GLI3: variants seen among roughly 807,000 people sequenced by gnomAD.
GLI3 encodes transcription activator GLI3.
Under a neutral mutation model 100.8 loss-of-function variants are expected in GLI3, and 20 were observed. That is an observed-to-expected ratio of 0.20 (90% CI 0.14 to 0.29). The LOEUF (loss-of-function observed/expected upper bound fraction) is 0.29, where lower values mean the gene tolerates loss of function less well. GLI3 is among the 10% of genes least tolerant of loss of function. The pLI is 1.00. For synonymous variants in GLI3, 938 were observed against 860.5 expected (o/e 1.09, Z -1.58); for missense variants, 2,040 against 2,128.5 (o/e 0.96, Z 0.82).
chr7:42,059,985 A>G (rs937599350), intron 4 of GLI3, among the ~76,000 whole-genome samples: 2 of 152,200 alleles, frequency 1.3e-5, no homozygotes, highest in Non-Finnish European at 2.9e-5. Flanking sequence ...AAGCTGTTCT[A>G]TACACCAGTT....
chr7:42,179,693 G>A (rs1787552320), intron 2 of GLI3, among the ~76,000 whole-genome samples: 1 of 152,072 alleles, frequency 6.6e-6, no homozygotes, highest in Non-Finnish European at 1.5e-5. Context: ...TGTGTGTGTG[G>A]CAAGGGGGTA....
At chr7:41,975,281 T>C (rs1787480398) in intron 12 of GLI3, among the ~76,000 whole-genome samples, 1 of 152,208 alleles carries the variant, frequency 6.6e-6, no homozygotes, top group Admixed American at 6.5e-5. Flanking sequence ...GCTTGGCACA[T>C]AAATAGCTTT....
At chr7:42,132,400 G>A (rs902173239) in intron 3 of GLI3, among the ~76,000 whole-genome samples, 4 of 151,972 alleles carry the variant, frequency 2.6e-5, no homozygotes, top group South Asian at 2.1e-4. Flanking sequence ...GCGCCCGGCC[G>A]GCTTCATGAT....
intron 4 of GLI3, among the ~76,000 whole-genome samples, chr7:42,050,304 C>G (rs1261539710): frequency 6.6e-6 from 1 of 152,160 alleles, no homozygotes; most frequent in Non-Finnish European, 1.5e-5. Context: ...ATAGCTATTT[C>G]TTTTCAAAAC....
At chr7:42,209,791 C>T (rs1376709630) in intron 2 of GLI3, among the ~76,000 whole-genome samples, 3 of 150,244 alleles carry the variant, frequency 2.0e-5, no homozygotes, top group South Asian at 2.1e-4. Context: ...CTCAGCTCCA[C>T]GTTTCCTAAT....
intron 12 of GLI3, among the ~76,000 whole-genome samples, chr7:41,973,599 G>A (rs909354588): frequency 2.6e-5 from 4 of 152,158 alleles, no homozygotes; most frequent in Non-Finnish European, 5.9e-5. Flanking sequence ...ATGCTTTCAT[G>A]AATATATATT....
chr7:42,110,196 T>G (rs1053039266), intron 3 of GLI3, among the ~76,000 whole-genome samples: 1 of 152,218 alleles, frequency 6.6e-6, no homozygotes, highest in African/African-American at 2.4e-5. Flanking sequence ...TCTTCAAATG[T>G]TTCCAAAATT....
At position 42,113,538 on chromosome 7, in the gene GLI3, G is replaced by T. The variant is rs1454078695; in HGVS notation, c.367+34688C>A. The T allele has an allele frequency of 6.8e-6, 8 of 1,178,912 alleles. No individual in the cohort carries two copies. The African/African-American group carries it at 7.5e-5, about 11-fold the overall frequency. 73.0% of individuals were successfully genotyped at this position (1,178,912 alleles called of 1,614,324 possible). A position where few individuals can be genotyped will look rare whatever the true frequency, so the allele number is the denominator to read the frequency against. On this transcript the variant is annotated intron_variant, in intron 3 of 14. Coordinates refer to ENST00000395925, the MANE Select transcript of GLI3 (RefSeq NM_000168.6). Reference sequence around the variant, plus strand: ...GGGAAAAAGGGAAAAGCTGATGCTGGCAAGGAGGGGAATAACCCTACAGAA... The same window carrying T: ...GGGAAAAAGGGAAAAGCTGATGCTGTCAAGGAGGGGAATAACCCTACAGAA...
chr7:42,172,719 G>T, intron 2 of GLI3: 1 of 678,702 alleles, frequency 1.5e-6, no homozygotes, highest in South Asian at 1.6e-5. Flanking sequence ...CAGCAGTGGA[G>T]CTGAGAGTTT....
At chr7:42,205,126 T>C (rs1290202352) in intron 2 of GLI3, among the ~76,000 whole-genome samples, 4 of 152,216 alleles carry the variant, frequency 2.6e-5, no homozygotes, top group Non-Finnish European at 5.9e-5. Flanking sequence ...TGAAGGGATG[T>C]ATAGCCTGCT....
At chr7:42,191,587 C>T (rs10241136) in intron 2 of GLI3, among the ~76,000 whole-genome samples, 1 of 151,422 alleles carries the variant, frequency 6.6e-6, no homozygotes, top group South Asian at 2.1e-4. Context: ...GGGAGGCAGA[C>T]GTTGCGGTGC....
At chr7:42,017,861 T>C (rs1056394077) in intron 10 of GLI3, among the ~76,000 whole-genome samples, 2 of 152,194 alleles carry the variant, frequency 1.3e-5, no homozygotes, top group East Asian at 3.8e-4. Context: ...AGTGACCTCT[T>C]CGAGACCCTC....
At chr7:42,166,349 G>A (rs1239781536) in intron 2 of GLI3, among the ~76,000 whole-genome samples, 3 of 152,188 alleles carry the variant, frequency 2.0e-5, no homozygotes, top group African/African-American at 7.2e-5. Context: ...ATAAATAATT[G>A]AATGAATGTG....
chr7:41,982,563 G>A (rs1329528389), intron 10 of GLI3, among the ~76,000 whole-genome samples: 1 of 151,932 alleles, frequency 6.6e-6, no homozygotes, highest in Admixed American at 6.6e-5. Context: ...AAATCAGGGT[G>A]TGGTGGTATA....
intron 2 of GLI3, among the ~76,000 whole-genome samples, chr7:42,195,451 G>A (rs539245786): frequency 1.8e-4 from 27 of 152,198 alleles, no homozygotes; most frequent in African/African-American, 6.5e-4. Flanking sequence ...CGTTTGTCTG[G>A]AACATAACCT....
At chr7:42,245,625 G>A (rs1378348209) in intron 1 of GLI3, among the ~76,000 whole-genome samples, 1 of 152,090 alleles carries the variant, frequency 6.6e-6, no homozygotes, top group African/African-American at 2.4e-5. Context: ...AGGTTGCAGT[G>A]AGCTGAGGTC....
At chr7:41,989,293 A>G (rs1227061326) in intron 10 of GLI3, among the ~76,000 whole-genome samples, 1 of 152,246 alleles carries the variant, frequency 6.6e-6, no homozygotes, top group African/African-American at 2.4e-5. Flanking sequence ...ACCATTCTCC[A>G]AAGAGGCACC....
intron 4 of GLI3, among the ~76,000 whole-genome samples, chr7:42,052,911 T>A (rs1276956500): frequency 6.6e-6 from 1 of 152,214 alleles, no homozygotes; most frequent in Non-Finnish European, 1.5e-5. Flanking sequence ...ATGTAAATAG[T>A]CTTTAAATAA....
chr7:42,030,696 G>GT (rs201325272), intron 7 of GLI3, among the ~76,000 whole-genome samples: 6,571 of 133,264 alleles, frequency 0.049, 290 homozygotes, highest in African/African-American at 0.13. Context: ...TTGTTGATTT[G>GT]TTTTTTTTTT....
Sources: gnomAD v4.1 joint callset for allele counts (sites outside exome capture counted in the v4.1 genomes callset) on GRCh38, gnomAD v4.1.1 for gene constraint, MANE v1.5 for transcripts, NCBI Gene and HGNC (gene_info 2026-07-23, HGNC 2026-07-21) for gene names.